The following SLC13A2 variants were observed in gnomAD, a reference collection of about 807,000 sequenced individuals.
SLC13A2 encodes the protein solute carrier family 13 member 2.
Under a neutral mutation model 58.5 loss-of-function variants are expected in SLC13A2, and 40 were observed. The observed-to-expected ratio is 0.68, with a 90% CI of 0.53 to 0.89. The LOEUF is 0.89. SLC13A2 is among the 40% of genes least tolerant of loss of function. SLC13A2 has a pLI of 0.00. For synonymous variants in SLC13A2, 341 were observed against 331.6 expected (o/e 1.03, Z -0.31); for missense variants, 694 against 772.6 (o/e 0.90, Z 1.21).
intron 7 of SLC13A2, 74 bp downstream of exon 7, chr17:28,493,863 C>A: frequency 6.5e-7 from 1 of 1,541,724 alleles, no homozygotes; most frequent in Non-Finnish European, 8.9e-7. Context: ...GGGTATAGGG[C>A]CCCCATTGCA....
chr17:28,480,808 C>T (rs1555600985), intron 1 of SLC13A2, among the ~76,000 whole-genome samples: 1 of 152,128 alleles, frequency 6.6e-6, no homozygotes, highest in African/African-American at 2.4e-5. Flanking sequence ...TTCAAATGGG[C>T]TCTTGTGCTT....
chr17:28,496,510 C>T lies in SLC13A2; in HGVS notation c.1531C>T (p.Leu511=), dbSNP rs782499634. The part of the protein sequence containing the change: ...VMLPCTLATS[L]AFMLPVATPP... ...GCTCCCCTGCACTCTGGCCACCTCCCTGGCCTTCATGTTGCCTGTGGCCAC... is the reference window on the plus strand; with the variant it reads ...GCTCCCCTGCACTCTGGCCACCTCCTTGGCCTTCATGTTGCCTGTGGCCAC... Residue 511 remains leucine, a synonymous_variant, in exon 11 of 12, where the codon CTG becomes TTG. Transcript: ENST00000314669. The surrounding 1 kb of genome is among the most constrained non-coding windows in gnomAD (Gnocchi z 4.2). The T allele has an allele frequency of 1.1e-5, 17 of 1,613,610 alleles. No homozygotes were observed. Among genetic ancestry groups the T allele is most frequent in the Non-Finnish European group, 1.4e-5 (16 of 1,179,762 alleles).
Position 28,496,341 on chromosome 17 carries a change from T to C in SLC13A2, c.1471-109T>C. On this transcript the variant is annotated intron_variant, in intron 10 of 11. Transcript: ENST00000314669. This position sits in a 1 kb window ranked among gnomAD's most constrained non-coding sequence, Gnocchi z 4.2. ...GAGGTGGGCTCATGACCAGAGAGTG[T>C]ATTAGGGTACAGGGGTTGTTCCCCA... The C allele has an allele frequency of 7.2e-7, 1 of 1,392,318 alleles. No homozygotes were observed. Among genetic ancestry groups the C allele is most frequent in the South Asian group, 1.5e-5 (1 of 67,688 alleles). 86.2% of individuals were successfully genotyped at this position (1,392,318 alleles called of 1,614,324 possible).
chr17:28,491,004 G>A (rs1259878987), intron 4 of SLC13A2, 98 bp downstream of exon 4: 1 of 1,187,576 alleles, frequency 8.4e-7, no homozygotes, highest in Non-Finnish European at 1.2e-6. Flanking sequence ...TGGAGCCTTT[G>A]GGGAGAGAAG....
At chr17:28,483,924 G>A (rs1567849012) in intron 1 of SLC13A2, among the ~76,000 whole-genome samples, 1 of 152,194 alleles carries the variant, frequency 6.6e-6, no homozygotes, top group Non-Finnish European at 1.5e-5. Context: ...CAAGCTGCCT[G>A]GCTTAGGGTT....
intron 6 of SLC13A2, 148 bp downstream of exon 6, chr17:28,492,000 C>G: frequency 8.3e-7 from 1 of 1,201,438 alleles, no homozygotes; most frequent in African/African-American, 1.5e-5. Flanking sequence ...CTTGGACCCC[C>G]ATTTGAGGAA....
chr17:28,489,114 A>C, intron 1 of SLC13A2, 100 bp from the exon 2 acceptor site: 1 of 1,369,050 alleles, frequency 7.3e-7, no homozygotes, highest in Non-Finnish European at 1.0e-6. Flanking sequence ...GGCTCTCCCC[A>C]GGCAGTCACA....
chr17:28,486,029 T>C (rs1420310633), intron 1 of SLC13A2, among the ~76,000 whole-genome samples: 2 of 151,842 alleles, frequency 1.3e-5, no homozygotes, highest in African/African-American at 4.8e-5. Context: ...AAATAAGAAA[T>C]AAAATATACA....
At chr17:28,480,380 G>C (rs1257982561) in intron 1 of SLC13A2, among the ~76,000 whole-genome samples, 5 of 152,144 alleles carry the variant, frequency 3.3e-5, no homozygotes, top group South Asian at 2.1e-4. Flanking sequence ...AGCTGTTCCT[G>C]AACCTCAAAG....
Position 28,494,000 on chromosome 17 carries a change from G to GC in SLC13A2, c.1098-12dup. ...AAGCGGCTAACCCAGCCCTCCCCGC[G>GC]CCCCCTCCACCAACAGCATGGTGTC... On this transcript the variant is annotated splice_polypyrimidine_tract_variant and intron_variant, in intron 7 of 11. Coordinates refer to ENST00000314669, the MANE Select transcript of SLC13A2 (RefSeq NM_003984.4). The GC allele has an allele frequency of 6.3e-7, 1 of 1,598,724 alleles. No homozygotes were observed. The highest frequency in any genetic ancestry group is 1.3e-5 in the African/African-American group (1 of 74,598).
chr17:28,482,492 C>G (rs1189945817), intron 1 of SLC13A2, among the ~76,000 whole-genome samples: 1 of 152,140 alleles, frequency 6.6e-6, no homozygotes, highest in Non-Finnish European at 1.5e-5. Context: ...GTGTACAAAC[C>G]CCTACATCAG....
intron 2 of SLC13A2, 183 bp from the exon 3 acceptor site, chr17:28,490,271 C>A: frequency 6.5e-7 from 1 of 1,539,298 alleles, no homozygotes; most frequent in Non-Finnish European, 8.8e-7. Context: ...CAGACCCTGT[C>A]TCCAAAAAGT....
chr17:28,489,472 CA>C (rs2068958651), intron 2 of SLC13A2, 130 bp downstream of exon 2: 1 of 1,063,218 alleles, frequency 9.4e-7, no homozygotes, highest in Non-Finnish European at 1.3e-6. Context: ...CCTGACTCTG[CA>C]TGAGGAAGAA....
rs201355144 is a variant in SLC13A2 at position 28,491,620 on chromosome 17, G to A, written c.755+3G>A. The A allele has an allele frequency of 2.5e-6, 4 of 1,612,020 alleles. No individual in the cohort carries two copies. The East Asian group carries it at 8.9e-5, about 36-fold the overall frequency. On this transcript the variant is annotated splice_donor_region_variant and intron_variant, in intron 5 of 11. Coordinates refer to ENST00000314669, the MANE Select transcript of SLC13A2 (RefSeq NM_003984.4). Reference sequence around the variant, plus strand: ...GTGCTGCAAGGCCAGATCAACTCGTGAGTGACAAGGGGTGGGCCACCTTGG... The same window carrying A: ...GTGCTGCAAGGCCAGATCAACTCGTAAGTGACAAGGGGTGGGCCACCTTGG...
At chr17:28,483,458 A>C (rs951678191) in intron 1 of SLC13A2, among the ~76,000 whole-genome samples, 3 of 151,834 alleles carry the variant, frequency 2.0e-5, no homozygotes. Flanking sequence ...CGAGACCCTC[A>C]TCTCTACAAA....
At position 28,490,695 on chromosome 17, in the gene SLC13A2, C is replaced by T. The variant is rs782284248; in HGVS notation, c.369-6C>T. On this transcript the variant is annotated splice_region_variant and splice_polypyrimidine_tract_variant and intron_variant, in intron 3 of 11. Transcript: ENST00000314669. Reference sequence around the variant, plus strand: ...AACAGCAGTGTGTCTGTCTGCCCATCCCTAGGCTAATCCTGGGCTTCATGC... The same window carrying T: ...AACAGCAGTGTGTCTGTCTGCCCATTCCTAGGCTAATCCTGGGCTTCATGC... 3.7e-6 allele frequency: 6 copies of T among 1,610,388 alleles called. No individual in the cohort carries two copies. Among genetic ancestry groups the T allele is most frequent in the Non-Finnish European group, 5.1e-6 (6 of 1,177,398 alleles).
chr17:28,496,739 T>C lies in SLC13A2; in HGVS notation c.1608+152T>C, dbSNP rs2069152100. On this transcript the variant is annotated intron_variant, in intron 11 of 11. Transcript: ENST00000314669. This position sits in a 1 kb window ranked among gnomAD's most constrained non-coding sequence, Gnocchi z 4.2. ...AGGTGCAGTTGGGGAGGTTGGGACA[T>C]GACCTCTCAGTGGTGGCATCTTCAG... 6 of 1,118,758 alleles carry C rather than the reference T, an allele frequency of 5.4e-6. No homozygotes were observed. Among genetic ancestry groups the C allele is most frequent in the Non-Finnish European group, 7.5e-6 (6 of 803,292 alleles). The allele number at this position is 1,118,758 out of a possible 1,614,324, so 69.3% of individuals were successfully genotyped here.
At chr17:28,489,957 G>A (rs1208413540) in intron 2 of SLC13A2, among the ~76,000 whole-genome samples, 1 of 152,184 alleles carries the variant, frequency 6.6e-6, no homozygotes, top group African/African-American at 2.4e-5. Flanking sequence ...ACAAGAAGAG[G>A]GGAACCTGGT....
intron 4 of SLC13A2, 129 bp downstream of exon 4, chr17:28,491,035 G>A: frequency 2.1e-6 from 2 of 942,698 alleles, no homozygotes; most frequent in South Asian, 3.5e-5. Flanking sequence ...AAGAAGGACA[G>A]TGACCAATTT....
Sources: gnomAD v4.1 joint callset for allele counts (sites outside exome capture counted in the v4.1 genomes callset) on GRCh38, gnomAD v4.1.1 for gene constraint, Gnocchi (gnomAD v3.1) non-coding constraint, MANE v1.5 for transcripts, NCBI Gene and HGNC (gene_info 2026-07-23, HGNC 2026-07-21) for gene names.